Variants in ABCA3 observed in about 807,000 individuals in gnomAD.
ABCA3 encodes phospholipid-transporting ATPase ABCA3.
A neutral mutation model predicts 172.8 loss-of-function variants in ABCA3; 88 were observed. The observed-to-expected ratio is 0.51, with a 90% confidence interval of 0.43 to 0.61. The LOEUF is 0.61. ABCA3 is among the 20% of genes least tolerant of loss of function. ABCA3 has a pLI of 0.00. For missense variants in ABCA3, 2,164 were observed against 2,301.0 expected (o/e 0.94, Z 1.22); for synonymous variants, 1,066 against 983.8 (o/e 1.08, Z -1.56).
chr16:2,280,786 C>T (rs954089564), intron 28 of ABCA3, among the ~76,000 whole-genome samples: 9 of 152,322 alleles, frequency 5.9e-5, no homozygotes, highest in East Asian at 3.9e-4. Flanking sequence ...GTGCTGAATG[C>T]GCCTCTCTGG....
rs1596834924 is a variant in ABCA3 at position 2,287,005 on chromosome 16, G to A, written c.3005-38C>T. The A allele has an allele frequency of 6.3e-7, 1 of 1,598,616 alleles. No homozygotes were observed. The highest frequency in any genetic ancestry group is 2.3e-5 in the East Asian group (1 of 44,256). On this transcript the variant is annotated intron_variant, in intron 21 of 32. Transcript: ENST00000301732. This position sits in a 1 kb window ranked among gnomAD's most constrained non-coding sequence, Gnocchi z 4.1. The stretch of plus-strand genomic sequence containing the variant: ...GGCAGAGTCAGGGGACACAGGAAGA[G>A]GTGACACCTGGGCACCCCCTGCCAC...
intron 19 of ABCA3, among the ~76,000 whole-genome samples, chr16:2,291,402 G>C (rs941387016): frequency 6.6e-6 from 1 of 151,768 alleles, no homozygotes; most frequent in Admixed American, 6.6e-5. Flanking sequence ...CGCCTGCCTC[G>C]GCCTCCCAAA....
At position 2,328,688 on chromosome 16, in the gene ABCA3, T is replaced by C. The variant is rs1445121520; in HGVS notation, c.-262A>G. The C allele has an allele frequency of 7.8e-6, 3 of 383,586 alleles. No individual in the cohort carries two copies. Among genetic ancestry groups the C allele is most frequent in the Non-Finnish European group, 1.6e-5 (3 of 189,384 alleles). 23.8% of individuals were successfully genotyped at this position (383,586 alleles called of 1,614,324 possible). A position where few individuals can be genotyped will look rare whatever the true frequency, so the allele number is the denominator to read the frequency against. On this transcript the variant is annotated 5_prime_UTR_variant, in exon 3 of 33. It removes an upstream start codon present in the reference 5' UTR. Transcript: ENST00000301732. ...AGTCCTTCCCGCTCAGCGTCCTTCA[T>C]GTGCGGAAAAGCCTCCTTGACTCAC...
intron 1 of ABCA3, among the ~76,000 whole-genome samples, chr16:2,339,645 G>T (rs180729661): frequency 1.3e-3 from 203 of 152,272 alleles, no homozygotes; most frequent in Admixed American, 5.0e-3. Context: ...GCGGGGTCTC[G>T]GCTACTCACT....
intron 18 of ABCA3, among the ~76,000 whole-genome samples, 159 bp from the exon 19 acceptor site, chr16:2,292,397 C>G (rs967496320): frequency 6.6e-6 from 1 of 152,056 alleles, no homozygotes; most frequent in African/African-American, 2.4e-5. Flanking sequence ...ATCAGGAGTT[C>G]GATACCAGTC....
chr16:2,289,525 A>G lies in ABCA3; in HGVS notation c.2609T>C (p.Val870Ala). 6.3e-7 allele frequency: 1 copy of G among 1,585,180 alleles called. No homozygotes were observed. The highest frequency in any genetic ancestry group is 8.6e-7 in the Non-Finnish European group (1 of 1,166,968). ...CATGGCCCCACAGAGGTTGCTGTCC[A>G]CAGCCCAGTCGCTGGCGCGCCTCTC... is the stretch of plus-strand genomic sequence containing the variant. ...QHERRASDWA[V>A]DSNLCGAMDP... Residue 870 changes from valine to alanine, a missense_variant, in exon 20 of 33, where the codon GTG (valine) becomes GCG (alanine). By Grantham distance (64) the Val-to-Ala change is moderately conservative. This residue lies in a region of ABCA3 where 1,343 missense variants were observed against 1,369.6 expected (regional missense o/e 0.98). Transcript: ENST00000301732.
intron 10 of ABCA3, 101 bp from the exon 11 acceptor site, chr16:2,308,724 C>G: frequency 7.3e-7 from 1 of 1,362,794 alleles, no homozygotes; most frequent in Non-Finnish European, 1.0e-6. Context: ...GGGGCCGAGC[C>G]ACCCAACCTG....
chr16:2,289,717 G>A (rs907519364), intron 19 of ABCA3, 97 bp from the exon 20 acceptor site: 47 of 1,308,454 alleles, frequency 3.6e-5, no homozygotes, highest in African/African-American at 4.4e-5. Context: ...CAGTGTTGCC[G>A]CAGTCCTTGG....
intron 2 of ABCA3, among the ~76,000 whole-genome samples, 185 bp from the exon 3 acceptor site, chr16:2,328,942 T>C (rs1051916551): frequency 1.3e-5 from 2 of 151,750 alleles, no homozygotes; most frequent in African/African-American, 4.8e-5. Context: ...TTGGTTTGGT[T>C]TCAGTCCATT....
intron 12 of ABCA3, among the ~76,000 whole-genome samples, chr16:2,301,444 C>T (rs955650619): frequency 6.6e-6 from 1 of 151,872 alleles, no homozygotes; most frequent in Non-Finnish European, 1.5e-5. Flanking sequence ...TGGTGGCTCA[C>T]GCCTGTCATC....
In ABCA3 at chr16:2,297,732, G is replaced by A; in HGVS notation, c.2052+34C>T. On this transcript the variant is annotated intron_variant, in intron 16 of 32. Transcript: ENST00000301732. This position sits in a 1 kb window ranked among gnomAD's most constrained non-coding sequence, Gnocchi z 5.6. ...AAGGGCCATCCCAGGTCGAGCAGGA[G>A]GGGAACCCACTGCCTCCAGTCCCAC... The A allele has an allele frequency of 6.2e-7, 1 of 1,606,452 alleles. No individual in the cohort carries two copies. Among genetic ancestry groups the A allele is most frequent in the Non-Finnish European group, 8.5e-7 (1 of 1,179,950 alleles).
At chr16:2,311,450 T>C (rs1458475288) in intron 10 of ABCA3, among the ~76,000 whole-genome samples, 1 of 152,222 alleles carries the variant, frequency 6.6e-6, no homozygotes, top group East Asian at 1.9e-4. Context: ...GAAAGGTTAG[T>C]TGCCATGAAG....
At chr16:2,332,616 C>A (rs1189870458) in intron 1 of ABCA3, 17 of 1,585,188 alleles carry the variant, frequency 1.1e-5, no homozygotes, top group Non-Finnish European at 1.3e-5. Context: ...TGTACTGTAG[C>A]GTGGGCGGCT....
At chr16:2,302,632 G>A (rs1292050734) in intron 12 of ABCA3, among the ~76,000 whole-genome samples, 1 of 151,492 alleles carries the variant, frequency 6.6e-6, no homozygotes, top group Non-Finnish European at 1.5e-5. Flanking sequence ...GGCATGTGCC[G>A]CCTGGCTAAT....
intron 26 of ABCA3, among the ~76,000 whole-genome samples, chr16:2,282,069 C>G (rs1369512961): frequency 6.6e-6 from 1 of 152,170 alleles, no homozygotes; most frequent in African/African-American, 2.4e-5. Flanking sequence ...GGATTACAGG[C>G]ATTAGCCACC....
chr16:2,297,061 G>C lies in ABCA3; in HGVS notation c.2263+268C>G, dbSNP rs2093680950. Among the ~76,000 whole-genome samples, 1 of 152,174 alleles carries C rather than the reference G, an allele frequency of 6.6e-6. No individual in the cohort carries two copies. ...TGTTGGCCTCTCCAAGGGCAGTGCT[G>C]CTCCTAGTGGCACTAGGCTTGGCCT... is the stretch of plus-strand genomic sequence containing the variant. On this transcript the variant is annotated intron_variant, in intron 17 of 32. Coordinates refer to ENST00000301732, the MANE Select transcript of ABCA3 (RefSeq NM_001089.3). The surrounding 1 kb of genome is among the most constrained non-coding windows in gnomAD (Gnocchi z 5.6).
At position 2,317,754 on chromosome 16, in the gene ABCA3, C is replaced by G; in HGVS notation, c.884G>C (p.Arg295Pro). Reference protein sequence around the residue: ...EKERRLKEYMRMMGLSSWLHW... With the variant: ...EKERRLKEYMPMMGLSSWLHW... The stretch of plus-strand genomic sequence containing the variant: ...CAGCCAGCTGCTGAGCCCCATCATG[C>G]GCATGTACTCCTGGGGAGAGAAGCC... The change falls in exon 9 of 33, where the codon CGC (arginine) becomes CCC (proline). Residue 295 changes from arginine to proline, a missense_variant. Around this residue, in one of 3 missense-constraint regions of ABCA3, gnomAD observed 1,343 missense variants for 1,369.6 expected, o/e 0.98. Transcript: ENST00000301732. The G allele has an allele frequency of 6.2e-7, 1 of 1,614,172 alleles. No individual in the cohort carries two copies. The highest frequency in any genetic ancestry group is 8.5e-7 in the Non-Finnish European group (1 of 1,179,970).
chr16:2,285,028 C>A lies in ABCA3; in HGVS notation c.3484-30G>T. 6.2e-7 allele frequency: 1 copy of A among 1,605,154 alleles called. No homozygotes were observed. Among genetic ancestry groups the A allele is most frequent in the Non-Finnish European group, 8.5e-7 (1 of 1,176,730 alleles). On this transcript the variant is annotated intron_variant, in intron 23 of 32. Coordinates refer to ENST00000301732, the MANE Select transcript of ABCA3 (RefSeq NM_001089.3). The surrounding 1 kb of genome is among the most constrained non-coding windows in gnomAD (Gnocchi z 4.7). Reference sequence around the variant, plus strand: ...GGCGGCACAGGGAGGCGCTGCTGTGCATGCCAAGCTGAGAGGAGCTCACGG... The same window carrying A: ...GGCGGCACAGGGAGGCGCTGCTGTGAATGCCAAGCTGAGAGGAGCTCACGG...
chr16:2,338,726 A>G (rs528812225), intron 1 of ABCA3, among the ~76,000 whole-genome samples: 6 of 150,650 alleles, frequency 4.0e-5, no homozygotes, highest in African/African-American at 1.5e-4. Flanking sequence ...GACCCCTCCA[A>G]GAGCAGGGAC....
Sources: gnomAD v4.1 joint callset for allele counts (sites outside exome capture counted in the v4.1 genomes callset) on GRCh38, gnomAD v4.1.1 for gene constraint, gnomAD v4.1.1 regional missense constraint, Gnocchi (gnomAD v3.1) non-coding constraint, MANE v1.5 for transcripts, NCBI Gene and HGNC (gene_info 2026-07-23, HGNC 2026-07-21) for gene names.